Variants in FAM83A observed in about 807,000 individuals in gnomAD.
The protein encoded by FAM83A is protein FAM83A.
In FAM83A, 21 loss-of-function variants were observed where a neutral mutation model predicts 24.4. The ratio of observed to expected loss-of-function variants is 0.86; its 90% CI spans 0.61 to 1.24. FAM83A has a LOEUF of 1.24. FAM83A is among the 50% of genes most tolerant of loss of function. FAM83A has a pLI of 0.00. For synonymous variants in FAM83A, 270 were observed against 252.4 expected, an observed-to-expected ratio of 1.07 and a Z score of -0.66; for missense variants, 617 against 579.8, an observed-to-expected ratio of 1.06 and a Z score of -0.66.
rs376998427 is a variant in FAM83A at position 123,207,603 on chromosome 8, C to T, written c.1220C>T (p.Thr407Met). The change falls in exon 4 of 4, where the codon ACG becomes ATG. Residue 407 changes from threonine to methionine, a missense_variant. By Grantham distance (81) the Thr-to-Met change is moderately conservative. Coordinates refer to ENST00000690554, the Ensembl canonical transcript of FAM83A. ...AGCAACCTGGGGGCCTACAGGCCCA[C>T]GCGGCTGCAGCTGGAGCAGCTGGGC... The T allele has an allele frequency of 2.1e-5, 33 of 1,566,628 alleles. No individual in the cohort carries two copies. Among genetic ancestry groups the T allele is most frequent in the African/African-American group, 2.7e-5 (2 of 73,828 alleles).
intron 1 of FAM83A, among the ~76,000 whole-genome samples, chr8:123,191,234 G>C (rs1823963042): frequency 6.6e-6 from 1 of 152,164 alleles, no homozygotes; most frequent in African/African-American, 2.4e-5. Context: ...CCCCTCCCCA[G>C]TTTCTACTGT....
At chr8:123,199,333 G>C (rs980146376) in intron 3 of FAM83A, among the ~76,000 whole-genome samples, 3 of 152,180 alleles carry the variant, frequency 2.0e-5, no homozygotes, top group African/African-American at 7.2e-5. Flanking sequence ...GTTTTACCAG[G>C]CAGGCCGTGA....
chr8:123,194,033 A>T, exon 3 of FAM83A: 3 of 1,614,198 alleles, frequency 1.9e-6, no homozygotes, highest in Non-Finnish European at 2.5e-6. Flanking sequence ...GAACATTTCC[A>T]TCCGGAGTGT....
chr8:123,183,671 C>T lies in FAM83A; in HGVS notation c.480+335C>T, dbSNP rs1028189075. ...TCTTTTTTTTTCTTTTTTTTCTTTT[C>T]TTTTTTTCTTTCTTTTTTTTTTTCT... is the stretch of plus-strand genomic sequence containing the variant. On this transcript the variant is annotated intron_variant, in intron 1 of 3. Transcript: ENST00000690554. Among the ~76,000 whole-genome samples the T allele has an allele frequency of 8.8e-5, 13 of 148,440 alleles. No homozygotes were observed. In the East Asian group the frequency reaches 1.2e-3, roughly 14 times the overall value.
chr8:123,194,819 C>G (rs1329269087), intron 3 of FAM83A, among the ~76,000 whole-genome samples: 1 of 152,088 alleles, frequency 6.6e-6, no homozygotes, highest in African/African-American at 2.4e-5. Context: ...TTTGCTCAAG[C>G]AACCCACCAG....
At chr8:123,179,858 A>G (rs1277093710), upstream of FAM83A, 1 of 152,242 alleles carries the variant, frequency 6.6e-6, no homozygotes, top group Non-Finnish European at 1.5e-5. Context: ...ACCAAGAAAG[A>G]GAATTAGTTC....
intron 2 of FAM83A, among the ~76,000 whole-genome samples, chr8:123,192,634 C>A (rs1352025174): frequency 1.3e-5 from 2 of 152,182 alleles, no homozygotes; most frequent in Non-Finnish European, 2.9e-5. Context: ...CCTCAGAGTT[C>A]TTTTGATCAG....
intron 3 of FAM83A, among the ~76,000 whole-genome samples, chr8:123,203,802 A>AAAAAC (rs1486224066): frequency 6.6e-6 from 1 of 151,452 alleles, no homozygotes; most frequent in Non-Finnish European, 1.5e-5. Context: ...ATATGGTTAA[A>AAAAAC]AAAACAAAAC....
chr8:123,196,553 T>G (rs1480406228), intron 3 of FAM83A, among the ~76,000 whole-genome samples: 1 of 152,228 alleles, frequency 6.6e-6, no homozygotes, highest in Non-Finnish European at 1.5e-5. Flanking sequence ...TTTTACTCTT[T>G]TCTTTTAATG....
exon 4 of FAM83A, chr8:123,208,112 A>G: frequency 9.9e-7 from 1 of 1,005,304 alleles, no homozygotes; most frequent in Non-Finnish European, 1.2e-6. Context: ...CCCAGTGCCC[A>G]GGAATGGTCC....
At chr8:123,207,491 C>G in exon 4 of FAM83A, 2 of 1,583,470 alleles carry the variant, frequency 1.3e-6, no homozygotes, top group East Asian at 2.3e-5. Context: ...GCCCCGGTTC[C>G]AGCCCCACCA....
upstream of FAM83A, among the ~76,000 whole-genome samples, chr8:123,181,157 G>A (rs557385782): frequency 1.3e-5 from 2 of 152,254 alleles, no homozygotes; most frequent in East Asian, 3.9e-4. Context: ...ATGTTGGCCA[G>A]GCTGGTCTTG....
intron 3 of FAM83A, chr8:123,202,436 C>T (rs1029305186): frequency 1.3e-5 from 2 of 153,300 alleles, no homozygotes; most frequent in Non-Finnish European, 2.9e-5. Flanking sequence ...ACCCCGAGCC[C>T]TCTTATCCTC....
At chr8:123,198,143 T>C (rs1239361384) in intron 3 of FAM83A, among the ~76,000 whole-genome samples, 1 of 151,908 alleles carries the variant, frequency 6.6e-6, no homozygotes, top group East Asian at 1.9e-4. Flanking sequence ...AATAAATAAA[T>C]AAATAAATAA....
chr8:123,201,996 G>T (rs1040027347), intron 3 of FAM83A: 6 of 152,456 alleles, frequency 3.9e-5, no homozygotes, highest in African/African-American at 1.4e-4. Context: ...GTGGGGAAGA[G>T]GCAGGCAAAA....
At chr8:123,197,763 G>A (rs188850924) in intron 3 of FAM83A, among the ~76,000 whole-genome samples, 152 of 152,310 alleles carry the variant, frequency 1.0e-3, no homozygotes, top group African/African-American at 2.8e-3. Flanking sequence ...TCAAAGAACA[G>A]GTGCAGTTTG....
At chr8:123,186,657 C>G (rs1303448516) in intron 1 of FAM83A, among the ~76,000 whole-genome samples, 1 of 152,098 alleles carries the variant, frequency 6.6e-6, no homozygotes, top group Non-Finnish European at 1.5e-5. Context: ...TGGTGAAACC[C>G]CGTCCCTACT....
intron 3 of FAM83A, among the ~76,000 whole-genome samples, chr8:123,197,113 C>G (rs1005944686): frequency 3.3e-5 from 5 of 152,102 alleles, no homozygotes; most frequent in Non-Finnish European, 1.5e-5. Context: ...GTGGCTGGGG[C>G]AGGGGTGGCA....
intron 3 of FAM83A, among the ~76,000 whole-genome samples, chr8:123,195,164 G>T (rs953613577): frequency 3.9e-5 from 6 of 152,220 alleles, no homozygotes; most frequent in Non-Finnish European, 8.8e-5. Flanking sequence ...AGAGAGTGCA[G>T]AGGAGGGCAA....
Sources: gnomAD v4.1 joint callset for allele counts (sites outside exome capture counted in the v4.1 genomes callset) on GRCh38, gnomAD v4.1.1 for gene constraint, MANE v1.5 for transcripts, NCBI Gene and HGNC (gene_info 2026-07-23, HGNC 2026-07-21) for gene names.